TTI1: variants seen among roughly 807,000 people sequenced by gnomAD.
TTI1 encodes the protein TELO2 interacting protein 1.
A neutral mutation model predicts 85.4 loss-of-function variants in TTI1; 52 were observed. The observed-to-expected ratio is 0.61, with a 90% CI of 0.49 to 0.77. The LOEUF is 0.77. TTI1 is among the 30% of genes least tolerant of loss of function. TTI1 has a pLI of 0.00. For synonymous variants in TTI1, 512 were observed against 503.9 expected (o/e 1.02, Z -0.22); for missense variants, 1,173 against 1,296.0 (o/e 0.91, Z 1.46).
chr20:38,013,190 A>G lies in TTI1; in HGVS notation c.627T>C (p.Phe209=). The change falls in exon 2 of 8, where the codon TTT becomes TTC. Residue 209 remains phenylalanine, a synonymous_variant. Transcript: ENST00000373447. The part of the protein sequence containing the change: ...QKQLGDLFAS[F]LPGISTALTR... ...TCAGTGCAGTTGAGATTCCAGGTAA[A>G]AAAGAGGCAAACAAATCCCCCAGCT... The G allele has an allele frequency of 6.2e-7, 1 of 1,614,144 alleles. No individual in the cohort carries two copies. Among genetic ancestry groups the G allele is most frequent in the Non-Finnish European group, 8.5e-7 (1 of 1,180,042 alleles).
chr20:38,006,224 T>C lies in TTI1; in HGVS notation c.2476A>G (p.Asn826Asp). The C allele has an allele frequency of 6.2e-7, 1 of 1,614,204 alleles. No individual in the cohort carries two copies. The change falls in exon 3 of 8, where the codon AAT becomes GAT. Residue 826 changes from asparagine (N) to aspartate (D), a missense_variant. Coordinates refer to ENST00000373447, the MANE Select transcript of TTI1 (RefSeq NM_001303457.2). Reference sequence around the variant, plus strand: ...TCTTCATTATCAAAATCCGAGACATTTCCATCTGCCACATCCTTCTCTTTG... The same window carrying C: ...TCTTCATTATCAAAATCCGAGACATCTCCATCTGCCACATCCTTCTCTTTG... ...YLKEKDVADG[N>D]VSDFDNEEEE... is the part of the protein sequence containing the mutation.
chr20:37,983,485 C>T lies in TTI1; in HGVS notation c.3241G>A (p.Val1081Met), dbSNP rs776598633. 3.7e-6 allele frequency: 6 copies of T among 1,611,296 alleles called. No individual in the cohort carries two copies. Among genetic ancestry groups the T allele is most frequent in the African/African-American group, 1.3e-5 (1 of 74,940 alleles). ...TGCAGCTCCTTGAGCAGCTGGAGCA[C>T]GTTGGTCGTGTAGGGGTTCTGCTGC... Reference protein sequence around the residue: ...SGQQNPYTTNVLQLLKELQ With the variant: ...SGQQNPYTTNMLQLLKELQ Residue 1081 changes from valine to methionine, a missense_variant, in exon 8 of 8, where the codon GTG becomes ATG. Val to Met is a conservative substitution (Grantham distance 21). Coordinates refer to ENST00000373447, the MANE Select transcript of TTI1 (RefSeq NM_001303457.2).
intron 2 of TTI1, among the ~76,000 whole-genome samples, chr20:38,010,467 CT>C (rs764386880): frequency 2.6e-3 from 276 of 104,416 alleles, no homozygotes; most frequent in African/African-American, 7.2e-3. Context: ...TTTGCCATTC[CT>C]TTTTTTTTTT....
chr20:38,028,138 CTG>C (rs2073859542), intron 1 of TTI1, among the ~76,000 whole-genome samples: 1 of 152,146 alleles, frequency 6.6e-6, no homozygotes, highest in African/African-American at 2.4e-5. Flanking sequence ...CCACAGTTGA[CTG>C]AATCTACAGA....
chr20:38,013,296 G>A lies in TTI1; in HGVS notation c.521C>T (p.Ala174Val). The A allele has an allele frequency of 6.2e-7, 1 of 1,614,014 alleles. No homozygotes were observed. Among genetic ancestry groups the A allele is most frequent in the Non-Finnish European group, 8.5e-7 (1 of 1,180,032 alleles). Reference protein sequence around the residue: ...QEKSKQIKIAALKCLQVLLLQ... With the variant: ...QEKSKQIKIAVLKCLQVLLLQ... ...GAGTAGAACCTGTAAACATTTTAAG[G>A]CAGCAATTTTAATTTGCTTTGATTT... The change falls in exon 2 of 8, where the codon GCC (alanine) becomes GTC (valine). Residue 174 changes from alanine to valine, a missense_variant. Coordinates refer to ENST00000373447, the MANE Select transcript of TTI1 (RefSeq NM_001303457.2).
intron 4 of TTI1, among the ~76,000 whole-genome samples, chr20:38,001,725 T>C (rs1406491106): frequency 6.9e-6 from 1 of 144,126 alleles, no homozygotes; most frequent in Non-Finnish European, 1.5e-5. Flanking sequence ...TTTCTCTCTC[T>C]TTTTTTTTTT....
chr20:38,002,972 A>T (rs969248219), intron 3 of TTI1, among the ~76,000 whole-genome samples, 196 bp from the exon 4 acceptor site: 12 of 151,864 alleles, frequency 7.9e-5, no homozygotes, highest in Non-Finnish European at 1.8e-4. Context: ...TGAGGTCCCT[A>T]TTTTTTTTAG....
At chr20:38,014,957 T>C (rs928288365) in intron 1 of TTI1, among the ~76,000 whole-genome samples, 3 of 152,116 alleles carry the variant, frequency 2.0e-5, no homozygotes, top group Admixed American at 1.3e-4. Context: ...ACCATAAATG[T>C]GTATAACTGT....
intron 7 of TTI1, among the ~76,000 whole-genome samples, chr20:37,991,849 T>C (rs1387637360): frequency 4.6e-5 from 7 of 152,252 alleles, no homozygotes; most frequent in Admixed American, 4.6e-4. Flanking sequence ...GAACAGTACC[T>C]GGAGACTCCT....
At chr20:37,984,321 A>C (rs2073162425) in intron 7 of TTI1, among the ~76,000 whole-genome samples, 1 of 152,178 alleles carries the variant, frequency 6.6e-6, no homozygotes, top group East Asian at 1.9e-4. Context: ...CCTTTGGCAG[A>C]GATAGAGCAC....
rs942750124 is a variant in TTI1 at position 37,993,932 on chromosome 20, T to C, written c.3086+2443A>G. Among the ~76,000 whole-genome samples, 5 of 152,186 alleles carry C rather than the reference T, an allele frequency of 3.3e-5. No individual in the cohort carries two copies. The South Asian group carries it at 1.0e-3, about 32-fold the overall frequency. ...GGACCAGTGGTGAGGTCTGTTGTTC[T>C]GGTGGGAGATGATGGTGGCCTGGCC... On this transcript the variant is annotated intron_variant, in intron 7 of 7. Coordinates refer to ENST00000373447, the MANE Select transcript of TTI1 (RefSeq NM_001303457.2).
chr20:38,012,578 T>G lies in TTI1; in HGVS notation c.1239A>C (p.Pro413=), dbSNP rs776574845. The change falls in exon 2 of 8, where the codon CCA becomes CCC. Residue 413 remains proline, a synonymous_variant. Transcript: ENST00000373447. ...LLLGYLKLLG[P]KINFVLNSVA... is the part of the protein sequence containing the mutation. ...CAGAGTTGAGGACAAAGTTTATTTT[T>G]GGGCCCAAGAGTTTCAGATAACCAA... 3.1e-6 allele frequency: 5 copies of G among 1,614,164 alleles called. No individual in the cohort carries two copies. The highest frequency in any genetic ancestry group is 4.2e-6 in the Non-Finnish European group (5 of 1,180,040).
rs1213694161 is a variant in TTI1, at chr20:38,013,736, C to T, written c.81G>A (p.Val27=). The change falls in exon 2 of 8, where the codon GTG becomes GTA. Residue 27 remains valine, a synonymous_variant. Transcript: ENST00000373447. ...GTGTCTGCAGATGCTCCACATTCTC[C>T]ACTGTCTGGGTCTTTGTGAGCTGAA... The part of the protein sequence containing the change: ...VCVQLTKTQT[V]ENVEHLQTRL... The T allele has an allele frequency of 6.2e-7, 1 of 1,614,194 alleles. No individual in the cohort carries two copies. The highest frequency in any genetic ancestry group is 1.7e-5 in the Admixed American group (1 of 60,036).
intron 1 of TTI1, among the ~76,000 whole-genome samples, chr20:38,028,519 G>T (rs142486496): frequency 6.6e-6 from 1 of 152,212 alleles, no homozygotes; most frequent in Non-Finnish European, 1.5e-5. Flanking sequence ...AAACAAAAAT[G>T]GATAAAACTA....
chr20:37,990,117 T>G (rs796271085), intron 7 of TTI1, among the ~76,000 whole-genome samples: 1 of 152,368 alleles, frequency 6.6e-6, no homozygotes, highest in African/African-American at 2.4e-5. Context: ...CTAGCAAGGG[T>G]GCAGGGCTCT....
Position 37,999,268 on chromosome 20 carries a change from GA to G in TTI1, c.2712del (p.Leu906TrpfsTer55). The G allele has an allele frequency of 6.5e-7, 1 of 1,529,862 alleles. No individual in the cohort carries two copies. Among genetic ancestry groups the G allele is most frequent in the Non-Finnish European group, 8.8e-7 (1 of 1,136,168 alleles). 94.8% of individuals were successfully genotyped at this position (1,529,862 alleles called of 1,614,324 possible). A position where few individuals can be genotyped will look rare whatever the true frequency, so the allele number is the denominator to read the frequency against. ...GAGGGCCAGGCCTGATGAGCCAAGG[GA>G]AGCAGCTGGTTTTTGTGGGACTGAA... Reference protein sequence around the residue: ...VVLQSHKNQLLPLAHQAWPSL... With the variant: ...VVLQSHKNQLXPLAHQAWPSL... On this transcript the variant is annotated frameshift_variant, in exon 5 of 8. Transcript: ENST00000373447. LOFTEE classifies it high-confidence loss of function.
At chr20:38,001,123 G>A (rs923892709) in intron 4 of TTI1, among the ~76,000 whole-genome samples, 1 of 152,172 alleles carries the variant, frequency 6.6e-6, no homozygotes, top group African/African-American at 2.4e-5. Flanking sequence ...CATGAAGACA[G>A]GGATTGTGTC....
intron 5 of TTI1, among the ~76,000 whole-genome samples, chr20:37,997,955 T>C (rs2073366665): frequency 6.6e-6 from 1 of 152,194 alleles, no homozygotes; most frequent in Non-Finnish European, 1.5e-5. Flanking sequence ...AGATGGAGTC[T>C]CACTCTGTCG....
intron 7 of TTI1, chr20:37,987,399 G>C (rs768585323): frequency 2.9e-5 from 13 of 454,732 alleles, no homozygotes; most frequent in Admixed American, 1.4e-4. Flanking sequence ...AGGGATGGCT[G>C]TTGAACATAC....
Sources: gnomAD v4.1 joint callset for allele counts (sites outside exome capture counted in the v4.1 genomes callset) on GRCh38, gnomAD v4.1.1 for gene constraint, MANE v1.5 for transcripts, NCBI Gene and HGNC (gene_info 2026-07-23, HGNC 2026-07-21) for gene names.